The following TXNL4A variants were observed in gnomAD, a reference collection of about 807,000 sequenced individuals.
The protein encoded by TXNL4A is thioredoxin like 4A.
In TXNL4A, 17 loss-of-function variants were observed where a neutral mutation model predicts 14.6. The observed-to-expected ratio is 1.16, with a 90% CI of 0.80 to 1.74. The LOEUF is 1.74. TXNL4A is among the 40% of genes most tolerant of loss of function. The pLI, the probability that TXNL4A is intolerant of heterozygous loss-of-function variation, is 0.00. For synonymous variants in TXNL4A, 83 were observed against 70.6 expected (o/e 1.18, Z -0.88); for missense variants, 74 against 195.2 (o/e 0.38, Z 3.70).
Position 79,977,993 on chromosome 18 carries a change from C to A in TXNL4A, c.154-292G>T, listed in dbSNP as rs541330310. On this transcript the variant is annotated intron_variant, in intron 1 of 2. Transcript: ENST00000269601. ...CAACGGGGCAATTTTCAAACTAATTCTTCAACATTTTTTCCCAGTGCAGCA... is the reference window on the plus strand; with the variant it reads ...CAACGGGGCAATTTTCAAACTAATTATTCAACATTTTTTCCCAGTGCAGCA... The A allele has an allele frequency of 3.9e-4, 134 of 343,578 alleles. 2 individuals carry two copies. The South Asian group carries it at 5.4e-3, about 14-fold the overall frequency. 21.3% of individuals were successfully genotyped at this position (343,578 alleles called of 1,614,324 possible).
At chr18:79,998,770 T>G (rs562473827) in intron 1 of TXNL4A, among the ~76,000 whole-genome samples, 95 of 150,602 alleles carry the variant, frequency 6.3e-4, no homozygotes, top group African/African-American at 2.2e-3. Context: ...TCTTATCAAA[T>G]TTTGCTTGTA....
chr18:80,025,603 T>C (rs2051879476), intron 1 of TXNL4A, among the ~76,000 whole-genome samples: 1 of 152,344 alleles, frequency 6.6e-6, no homozygotes, highest in African/African-American at 2.4e-5. Flanking sequence ...GCCCCAGCGA[T>C]TGTCTACCAA....
intron 1 of TXNL4A, among the ~76,000 whole-genome samples, chr18:80,010,910 C>A (rs536502081): frequency 2.0e-5 from 3 of 152,068 alleles, no homozygotes; most frequent in Non-Finnish European, 2.9e-5. Flanking sequence ...TCCTTTCAGT[C>A]CCCCCGTGGA....
chr18:79,980,534 G>A (rs1247238228), intron 1 of TXNL4A, among the ~76,000 whole-genome samples: 2 of 151,920 alleles, frequency 1.3e-5, no homozygotes, highest in African/African-American at 4.8e-5. Context: ...GAACAGACGG[G>A]TTCACTATAT....
intron 1 of TXNL4A, among the ~76,000 whole-genome samples, chr18:80,028,003 C>G (rs1303532926): frequency 6.6e-6 from 1 of 152,150 alleles, no homozygotes; most frequent in Non-Finnish European, 1.5e-5. Flanking sequence ...AAACTGATCC[C>G]ATCTTGTGGA....
rs1458143971 is a variant in TXNL4A, at chr18:79,973,928, G to A, written c.258-72C>T. On this transcript the variant is annotated intron_variant, in intron 2 of 2. Coordinates refer to ENST00000269601, the MANE Select transcript of TXNL4A (RefSeq NM_006701.5). Reference sequence around the variant, plus strand: ...AAAAGAATTCCTTGAAAACAATGCCGTATTTTTCCCACTGTGACAAGCTCT... The same window carrying A: ...AAAAGAATTCCTTGAAAACAATGCCATATTTTTCCCACTGTGACAAGCTCT... 55 of 1,567,294 alleles carry A rather than the reference G, an allele frequency of 3.5e-5. No homozygotes were observed. The Middle Eastern group carries it at 5.7e-4, about 16-fold the overall frequency.
At position 79,982,243 on chromosome 18, in the gene TXNL4A, T is replaced by G. The variant is rs1318103749; in HGVS notation, c.154-4542A>C. The stretch of plus-strand genomic sequence containing the variant: ...AGAAGTGCAGGACAGTGGGGACCGA[T>G]GCGCAGGTGGACTGGCCCACAGAGG... On this transcript the variant is annotated intron_variant, in intron 1 of 2. Transcript: ENST00000269601. This position sits in a 1 kb window ranked among gnomAD's most constrained non-coding sequence, Gnocchi z 4.0. Among the ~76,000 whole-genome samples, 1 of 152,184 alleles carries G rather than the reference T, an allele frequency of 6.6e-6. No homozygotes were observed. Among genetic ancestry groups the G allele is most frequent in the Non-Finnish European group, 1.5e-5 (1 of 68,018 alleles).
At chr18:80,029,965 T>C (rs1186100141) in intron 1 of TXNL4A, among the ~76,000 whole-genome samples, 2 of 152,190 alleles carry the variant, frequency 1.3e-5, no homozygotes, top group Non-Finnish European at 2.9e-5. Flanking sequence ...AGATTTTGTC[T>C]ATTGGAAAAG....
At chr18:79,994,726 C>A (rs994208874) in intron 1 of TXNL4A, among the ~76,000 whole-genome samples, 4 of 152,032 alleles carry the variant, frequency 2.6e-5, no homozygotes, top group Non-Finnish European at 5.9e-5. Flanking sequence ...CTAATCGTTT[C>A]TCTCTCTTAA....
intron 1 of TXNL4A, among the ~76,000 whole-genome samples, chr18:80,015,444 C>T (rs1270299793): frequency 6.6e-6 from 1 of 151,356 alleles, no homozygotes; most frequent in African/African-American, 2.4e-5. Flanking sequence ...ATGTGCCATG[C>T]TGGTGTGCTG....
chr18:79,988,173 G>GGCAGGGCAGAGGC, intron 1 of TXNL4A, 67 bp downstream of exon 1: 4 of 1,363,388 alleles, frequency 2.9e-6, no homozygotes, highest in Non-Finnish European at 2.9e-6. Flanking sequence ...AGGCGACGCC[G>GGCAGGGCAGAGGC]GCAGGGCAGA....
chr18:80,000,147 G>T (rs527357269), intron 1 of TXNL4A, among the ~76,000 whole-genome samples: 1 of 152,216 alleles, frequency 6.6e-6, no homozygotes, highest in Non-Finnish European at 1.5e-5. Flanking sequence ...AAATGTGGAA[G>T]TAACTTTGGA....
At chr18:79,985,482 G>A (rs191427099) in intron 1 of TXNL4A, among the ~76,000 whole-genome samples, 51 of 151,916 alleles carry the variant, frequency 3.4e-4, no homozygotes, top group Admixed American at 2.6e-3. Flanking sequence ...CGAACTCCTG[G>A]GCTCAAGGGA....
intron 1 of TXNL4A, among the ~76,000 whole-genome samples, chr18:79,987,526 C>T (rs1260720104): frequency 3.9e-5 from 6 of 152,146 alleles, no homozygotes; most frequent in African/African-American, 1.2e-4. Flanking sequence ...TGCCCTATTG[C>T]TACAGCTGCA....
intron 1 of TXNL4A, among the ~76,000 whole-genome samples, chr18:80,009,542 C>T (rs772480369): frequency 6.6e-5 from 10 of 152,122 alleles, no homozygotes; most frequent in Non-Finnish European, 7.4e-5. Flanking sequence ...TTATTCTTGC[C>T]TCCTTGGAGG....
At chr18:79,992,859 T>C (rs2051636502), upstream of TXNL4A, among the ~76,000 whole-genome samples, 2 of 144,844 alleles carry the variant, frequency 1.4e-5, no homozygotes, top group Admixed American at 1.4e-4. Context: ...TCTGCCCCAT[T>C]TGTCTGTCAT....
At chr18:80,010,026 G>C (rs1252980148) in intron 1 of TXNL4A, among the ~76,000 whole-genome samples, 1 of 152,164 alleles carries the variant, frequency 6.6e-6, no homozygotes, top group African/African-American at 2.4e-5. Context: ...GGTATTTTCT[G>C]TCTGTTTGGG....
At chr18:80,021,568 C>A (rs996214490) in intron 1 of TXNL4A, among the ~76,000 whole-genome samples, 6 of 152,146 alleles carry the variant, frequency 3.9e-5, no homozygotes, top group Non-Finnish European at 7.4e-5. Flanking sequence ...AAAACTGAAT[C>A]ATTTAGTTCC....
At chr18:79,978,817 C>T (rs933486800) in intron 1 of TXNL4A, among the ~76,000 whole-genome samples, 7 of 151,126 alleles carry the variant, frequency 4.6e-5, no homozygotes, top group Admixed American at 4.0e-4. Context: ...ATTCTTTCCC[C>T]TTTCTTATAG....
Sources: gnomAD v4.1 joint callset for allele counts (sites outside exome capture counted in the v4.1 genomes callset) on GRCh38, gnomAD v4.1.1 for gene constraint, Gnocchi (gnomAD v3.1) non-coding constraint, MANE v1.5 for transcripts, NCBI Gene and HGNC (gene_info 2026-07-23, HGNC 2026-07-21) for gene names.